The following DACH1 variants were observed in gnomAD, a reference collection of about 807,000 sequenced individuals.
The protein encoded by DACH1 is dachshund homolog 1.
A neutral mutation model predicts 54.2 loss-of-function variants in DACH1; 12 were observed. That is an observed-to-expected ratio of 0.22 (90% confidence interval 0.14 to 0.36). The LOEUF is 0.36. Among genes scored for constraint, DACH1 ranks in the 10% least tolerant of loss-of-function variants. The probability of loss-of-function intolerance (pLI) is 1.00; values close to 1 mark genes in which losing one functional copy is unlikely to be tolerated. For synonymous variants in DACH1, 386 were observed against 366.2 expected, an observed-to-expected ratio of 1.05 and a Z score of -0.62; for missense variants, 805 against 929.8, an observed-to-expected ratio of 0.87 and a Z score of 1.75.
chr13:71,729,413 T>G (rs2137906452), intron 1 of DACH1, among the ~76,000 whole-genome samples: 1 of 152,076 alleles, frequency 6.6e-6, no homozygotes, highest in African/African-American at 2.4e-5. Flanking sequence ...CCACTCCTCT[T>G]TAGGAAAAGT....
chr13:71,510,173 G>A (rs1049361457), intron 6 of DACH1, among the ~76,000 whole-genome samples: 3 of 151,788 alleles, frequency 2.0e-5, no homozygotes, highest in Non-Finnish European at 4.4e-5. Flanking sequence ...TCTCTTTAAC[G>A]CTTTTCATTC....
chr13:71,561,970 A>G (rs567560584), intron 4 of DACH1, among the ~76,000 whole-genome samples: 2 of 152,106 alleles, frequency 1.3e-5, no homozygotes, highest in Non-Finnish European at 2.9e-5. Flanking sequence ...TTAAAAAAAA[A>G]AAGCGCTATA....
chr13:71,861,303 A>G (rs977211298), intron 1 of DACH1, among the ~76,000 whole-genome samples: 2 of 152,058 alleles, frequency 1.3e-5, no homozygotes, highest in Non-Finnish European at 2.9e-5. Flanking sequence ...AATTTCTTAC[A>G]TCAGAGCATT....
chr13:71,572,662 T>C (rs1885285173), intron 4 of DACH1, among the ~76,000 whole-genome samples, 178 bp downstream of exon 4: 2 of 152,174 alleles, frequency 1.3e-5, no homozygotes, highest in Non-Finnish European at 2.9e-5. Flanking sequence ...AAAGCAACCC[T>C]AGCCTGCCTA....
At chr13:71,562,090 G>T (rs572819802) in intron 4 of DACH1, among the ~76,000 whole-genome samples, 2 of 152,248 alleles carry the variant, frequency 1.3e-5, no homozygotes, top group East Asian at 3.9e-4. Flanking sequence ...ATGATAACTT[G>T]TTGAACTTTA....
intron 3 of DACH1, among the ~76,000 whole-genome samples, chr13:71,578,979 A>G (rs1047684377): frequency 3.3e-5 from 5 of 152,064 alleles, no homozygotes; most frequent in Non-Finnish European, 5.9e-5. Flanking sequence ...ATTACCTATA[A>G]ATATATCATT....
At chr13:71,737,599 A>T (rs1884196939) in intron 1 of DACH1, among the ~76,000 whole-genome samples, 1 of 152,228 alleles carries the variant, frequency 6.6e-6, no homozygotes, top group Non-Finnish European at 1.5e-5. Context: ...TTTATAATCA[A>T]TCAGTAACTA....
chr13:71,705,417 A>G (rs2138762168), intron 1 of DACH1, among the ~76,000 whole-genome samples: 1 of 152,284 alleles, frequency 6.6e-6, no homozygotes. Context: ...AAACTAACAA[A>G]CCTGTCTGCA....
intron 4 of DACH1, among the ~76,000 whole-genome samples, chr13:71,568,016 T>C (rs991543880): frequency 1.3e-5 from 2 of 152,076 alleles, no homozygotes; most frequent in Non-Finnish European, 2.9e-5. Flanking sequence ...GAAATTGATC[T>C]CTTGATTTAT....
chr13:71,493,597 A>T (rs1879169900), intron 6 of DACH1, among the ~76,000 whole-genome samples: 1 of 152,174 alleles, frequency 6.6e-6, no homozygotes, highest in Non-Finnish European at 1.5e-5. Context: ...AATAAAAATA[A>T]CTTAAATGTT....
chr13:71,783,779 C>T (rs1312850212), intron 1 of DACH1, among the ~76,000 whole-genome samples: 3 of 150,682 alleles, frequency 2.0e-5, no homozygotes, highest in Admixed American at 6.6e-5. Flanking sequence ...CTGGAGCTGG[C>T]ATTTAAAGAA....
intron 3 of DACH1, among the ~76,000 whole-genome samples, chr13:71,593,873 A>C (rs1873903736): frequency 6.6e-6 from 1 of 151,830 alleles, no homozygotes; most frequent in South Asian, 2.1e-4. Flanking sequence ...ACTAATAAGT[A>C]TATTTTCTGA....
In DACH1 at chr13:71,807,534, G is replaced by T. The variant is rs564773218; in HGVS notation, c.848+58388C>A. On this transcript the variant is annotated intron_variant, in intron 1 of 10. Transcript: ENST00000613252. ...AACTCAGAGAGAAAACAGAGTGTGT[G>T]GTTTAAGATTGGTCCAAGTAAATTT... Among the ~76,000 whole-genome samples the T allele has an allele frequency of 7.7e-4, 117 of 151,768 alleles. 4 individuals carry two copies. The South Asian group carries it at 0.024, about 31-fold the overall frequency.
intron 6 of DACH1, among the ~76,000 whole-genome samples, chr13:71,496,261 G>GTATATATATATA (rs35142229): frequency 2.4e-4 from 9 of 37,142 alleles, no homozygotes; most frequent in African/African-American, 3.9e-4. Context: ...AAATTGCTAT[G>GTATATATATATA]TATATATATA....
chr13:71,491,504 C>T (rs1453458354), intron 6 of DACH1, among the ~76,000 whole-genome samples: 1 of 152,134 alleles, frequency 6.6e-6, no homozygotes, highest in Non-Finnish European at 1.5e-5. Flanking sequence ...ACAAACTTAT[C>T]TAATTGGATT....
Position 71,464,818 on chromosome 13 carries a change from A to C in DACH1, c.2083+10323T>G, listed in dbSNP as rs192358924. 5.3e-4 allele frequency: 224 copies of C among 424,134 alleles called. 1 individual carries two copies. Among genetic ancestry groups the C allele is most frequent in the African/African-American group, 4.2e-3 (204 of 48,374 alleles). The allele number at this position is 424,134 out of a possible 1,614,324, so 26.3% of individuals were successfully genotyped here. Reference sequence around the variant, plus strand: ...CACAGAAATCTGTAAAGATATTCTCAAGACTATGTTTAGTATCAAGAGAAA... The same window carrying C: ...CACAGAAATCTGTAAAGATATTCTCCAGACTATGTTTAGTATCAAGAGAAA... On this transcript the variant is annotated intron_variant, in intron 10 of 10. Coordinates refer to ENST00000613252, the MANE Select transcript of DACH1 (RefSeq NM_080759.6).
intron 1 of DACH1, among the ~76,000 whole-genome samples, chr13:71,798,325 T>TACATACATAC (rs1302578965): frequency 4.1e-3 from 39 of 9,576 alleles, no homozygotes; most frequent in African/African-American, 9.0e-3. Context: ...GTTACATACA[T>TACATACATAC]ATATATATAT....
At chr13:71,829,979 T>C (rs1010555930) in intron 1 of DACH1, among the ~76,000 whole-genome samples, 2 of 151,890 alleles carry the variant, frequency 1.3e-5, no homozygotes, top group African/African-American at 2.4e-5. Flanking sequence ...TTAATTTGTA[T>C]GCTTTACCTA....
intron 1 of DACH1, among the ~76,000 whole-genome samples, chr13:71,708,541 C>T (rs556732666): frequency 6.6e-6 from 1 of 152,200 alleles, no homozygotes; most frequent in South Asian, 2.1e-4. Context: ...CCATATCAAA[C>T]TGCTACCCTT....
Sources: allele counts gnomAD v4.1 joint callset (sites outside exome capture counted in the v4.1 genomes callset), GRCh38; gene constraint gnomAD v4.1.1; transcripts MANE v1.5; gene names NCBI Gene and HGNC (gene_info 2026-07-23, HGNC 2026-07-21).